ZRANB1: variants seen among roughly 807,000 people sequenced by gnomAD.
ZRANB1 encodes zinc finger RANBP2-type containing 1.
ZRANB1 carries 16 observed loss-of-function variants against 80.5 expected under a neutral mutation model. That is an observed-to-expected ratio of 0.20 (90% CI 0.13 to 0.30). The LOEUF (loss-of-function observed/expected upper bound fraction) is 0.30, where lower values mean the gene tolerates loss of function less well. ZRANB1 is among the 10% of genes least tolerant of loss of function. The pLI is 1.00. For missense variants in ZRANB1, 576 were observed against 862.6 expected (o/e 0.67, Z 4.16); for synonymous variants, 291 against 293.1 (o/e 0.99, Z 0.07).
the ZRANB1 span, among the ~76,000 whole-genome samples, chr10:124,929,702 C>G: frequency 2.0e-5 from 3 of 151,620 alleles, no homozygotes; most frequent in African/African-American, 7.3e-5. Context: ...AATCCCAGCA[C>G]TGTGGGAGGC....
At chr10:124,925,950 T>C in the ZRANB1 span, among the ~76,000 whole-genome samples, 1 of 152,244 alleles carries the variant, frequency 6.6e-6, no homozygotes, top group Non-Finnish European at 1.5e-5. Context: ...CAGTAGGCCA[T>C]GGGTTATAGC....
At chr10:124,925,440 GTTAT>G in the ZRANB1 span, among the ~76,000 whole-genome samples, 9 of 152,142 alleles carry the variant, frequency 5.9e-5, no homozygotes, top group Admixed American at 5.9e-4. Flanking sequence ...TTTCATTTGG[GTTAT>G]TTGTCTTTTT....
chr10:124,959,325 CAGTT>C (rs997424116), intron 1 of ZRANB1, among the ~76,000 whole-genome samples: 2 of 152,112 alleles, frequency 1.3e-5, no homozygotes, highest in East Asian at 1.9e-4. Context: ...CGAGAGAAGT[CAGTT>C]GGTTGGAGTG....
rs1427174623 is a variant in ZRANB1, at chr10:124,942,167, G to A, written c.-327G>A. On this transcript the variant is annotated 5_prime_UTR_variant, in exon 1 of 9. Transcript: ENST00000359653. ...TAAACATTTCTATTAGTGGCTTCCCGTTAATCTCATCCTTCTTAGATCAAA... is the reference window on the plus strand; with the variant it reads ...TAAACATTTCTATTAGTGGCTTCCCATTAATCTCATCCTTCTTAGATCAAA... The A allele has an allele frequency of 9.1e-6, 10 of 1,097,682 alleles. No homozygotes were observed. The highest frequency in any genetic ancestry group is 6.0e-5 in the South Asian group (2 of 33,184). The allele number at this position is 1,097,682 out of a possible 1,614,324, so 68.0% of individuals were successfully genotyped here.
chr10:124,934,746 A>C, the ZRANB1 span, among the ~76,000 whole-genome samples: 3 of 152,188 alleles, frequency 2.0e-5, no homozygotes. Context: ...GAGAGATCCA[A>C]CTTGGAGATA....
intron 1 of ZRANB1, among the ~76,000 whole-genome samples, chr10:124,963,537 GTTTTTTTTTTTTGTTTGTTTTT>G (rs1787547645): frequency 1.1e-5 from 1 of 93,476 alleles, no homozygotes; most frequent in Non-Finnish European, 2.3e-5. Flanking sequence ...ATATTGTAAG[GTTTTTTTTTTTTGTTTGTTTTT>G]TTTTTTTTTT....
At chr10:124,940,650 C>A, upstream of ZRANB1, 3 of 663,870 alleles carry the variant, frequency 4.5e-6, no homozygotes, top group South Asian at 1.6e-5. Flanking sequence ...ATGGACTTGG[C>A]AGGCAGGAAC....
At chr10:124,922,341 T>A in the ZRANB1 span, among the ~76,000 whole-genome samples, 1 of 57,056 alleles carries the variant, frequency 1.8e-5, no homozygotes, top group African/African-American at 5.3e-5. Flanking sequence ...TATATATTTT[T>A]TTTTTAATAG....
At chr10:124,946,480 T>G (rs1951585055) in intron 1 of ZRANB1, 1 of 151,966 alleles carries the variant, frequency 6.6e-6, no homozygotes, top group South Asian at 2.1e-4. Context: ...GGACCAGTAT[T>G]GGATTTGACG....
chr10:124,985,606 T>C lies in ZRANB1; in HGVS notation c.*614T>C, dbSNP rs1167466195. On this transcript the variant is annotated 3_prime_UTR_variant, in exon 9 of 9. Coordinates refer to ENST00000359653, the MANE Select transcript of ZRANB1 (RefSeq NM_017580.3). ...TAAGAATGTTTTAGAGTGAACTAAA[T>C]ACAGACATTGCTTACTTGTTTTGAA... 2 of 152,668 alleles carry C rather than the reference T, an allele frequency of 1.3e-5. No homozygotes were observed. Among genetic ancestry groups the C allele is most frequent in the Non-Finnish European group, 2.9e-5 (2 of 68,040 alleles). 9.5% of individuals were successfully genotyped at this position (152,668 alleles called of 1,614,324 possible). A position where few individuals can be genotyped will look rare whatever the true frequency, so the allele number is the denominator to read the frequency against.
rs1952101838 is a variant in ZRANB1 at position 124,987,906 on chromosome 10, T to G, written c.*2914T>G. On this transcript the variant is annotated 3_prime_UTR_variant, in exon 9 of 9. Transcript: ENST00000359653. ...AAAGAAGATCCATTAAATCAAGCTCTTAACTCATGGGACTATTTGCAACAC... is the reference window on the plus strand; with the variant it reads ...AAAGAAGATCCATTAAATCAAGCTCGTAACTCATGGGACTATTTGCAACAC... 6.6e-6 allele frequency: 1 copy of G among 152,436 alleles called. No homozygotes were observed. The highest frequency in any genetic ancestry group is 1.5e-5 in the Non-Finnish European group (1 of 68,048). 9.4% of individuals were successfully genotyped at this position (152,436 alleles called of 1,614,324 possible).
chr10:124,968,471 C>T (rs1951794509), intron 2 of ZRANB1, among the ~76,000 whole-genome samples: 1 of 152,094 alleles, frequency 6.6e-6, no homozygotes. Flanking sequence ...GACTGAAGGC[C>T]ATGATGAAAA....
rs1229464205 is a variant in ZRANB1 at position 124,987,828 on chromosome 10, G to T, written c.*2836G>T. ...GGGAGTTTCATACCTGGAATTGTTGGACTTAATTGACACTTGCAAATACTT... is the reference window on the plus strand; with the variant it reads ...GGGAGTTTCATACCTGGAATTGTTGTACTTAATTGACACTTGCAAATACTT... On this transcript the variant is annotated 3_prime_UTR_variant, in exon 9 of 9. Transcript: ENST00000359653. 1 of 152,162 alleles carries T rather than the reference G, an allele frequency of 6.6e-6. No homozygotes were observed. The highest frequency in any genetic ancestry group is 1.5e-5 in the Non-Finnish European group (1 of 68,030). The allele number at this position is 152,162 out of a possible 1,614,324, so 9.4% of individuals were successfully genotyped here.
At chr10:124,950,896 C>G (rs1337434478) in intron 1 of ZRANB1, among the ~76,000 whole-genome samples, 26 of 152,200 alleles carry the variant, frequency 1.7e-4, no homozygotes. Context: ...ATGGGAGGAA[C>G]ACTTGCGCCC....
chr10:124,977,992 G>A (rs564682305), intron 5 of ZRANB1, among the ~76,000 whole-genome samples: 3 of 152,236 alleles, frequency 2.0e-5, no homozygotes, highest in Middle Eastern at 3.4e-3. Context: ...AGCTTTGCCC[G>A]ATGGTTTACA....
rs1387512105 is a variant in ZRANB1, at chr10:124,988,051, A to G, written c.*3059A>G. 3.3e-5 allele frequency: 5 copies of G among 150,546 alleles called. No homozygotes were observed. The highest frequency in any genetic ancestry group is 2.7e-4 in the Admixed American group (4 of 15,078). The allele number at this position is 150,546 out of a possible 1,614,324, so 9.3% of individuals were successfully genotyped here. ...TGGGGTAGATTAAAGTCAGAACTCT[A>G]AAAGTTGAGCAACTTTGTTTTTTTT... On this transcript the variant is annotated 3_prime_UTR_variant, in exon 9 of 9. Transcript: ENST00000359653.
intron 1 of ZRANB1, among the ~76,000 whole-genome samples, chr10:124,959,335 G>A (rs1470363621): frequency 6.6e-6 from 1 of 152,132 alleles, no homozygotes; most frequent in African/African-American, 2.4e-5. Flanking sequence ...CAGTTGGTTG[G>A]AGTGTAGAAT....
intron 3 of ZRANB1, among the ~76,000 whole-genome samples, chr10:124,972,790 T>A (rs1197293019): frequency 6.6e-6 from 1 of 151,892 alleles, no homozygotes; most frequent in South Asian, 2.1e-4. Context: ...TTTTTTTTTT[T>A]AGATTGAAAC....
chr10:124,953,685 T>C (rs1318347353), intron 1 of ZRANB1, among the ~76,000 whole-genome samples: 2 of 152,246 alleles, frequency 1.3e-5, no homozygotes, highest in Non-Finnish European at 2.9e-5. Flanking sequence ...CAAAGGTGTT[T>C]GGACAGTCCT....
Sources: allele counts gnomAD v4.1 joint callset (sites outside exome capture counted in the v4.1 genomes callset), GRCh38; gene constraint gnomAD v4.1.1; transcripts MANE v1.5; gene names NCBI Gene and HGNC (gene_info 2026-07-23, HGNC 2026-07-21).